Variants in BLOC1S3 observed in about 807,000 individuals in gnomAD.
BLOC1S3 encodes biogenesis of lysosomal organelles complex 1 subunit 3, also known as biogenesis of lysosome-related organelles complex 1 subunit 3.
BLOC1S3 carries 7 observed loss-of-function variants against 9.1 expected under a neutral mutation model. That is an observed-to-expected ratio of 0.77 (90% CI 0.44 to 1.45). BLOC1S3 has a LOEUF of 1.45. Among genes scored for constraint, BLOC1S3 ranks in the 40% most tolerant of loss-of-function variants. The pLI is 0.01. For synonymous variants in BLOC1S3, 145 were observed against 158.4 expected (o/e 0.92, Z 0.64); for missense variants, 307 against 315.2 (o/e 0.97, Z 0.20).
chr19:45,206,461 T>TG (rs1568476457), intron 3 of BLOC1S3, among the ~76,000 whole-genome samples: 6 of 126,062 alleles, frequency 4.8e-5, no homozygotes, highest in Admixed American at 1.6e-4. Context: ...TTTTTTTTTT[T>TG]TTTTTTTTTT....
At chr19:45,204,560 A>C (rs1406781483) in intron 3 of BLOC1S3, among the ~76,000 whole-genome samples, 3 of 152,106 alleles carry the variant, frequency 2.0e-5, no homozygotes, top group Non-Finnish European at 4.4e-5. Context: ...GGCTGGAGTC[A>C]TCCAAAGGCT....
chr19:45,206,546 C>T (rs532634649), intron 3 of BLOC1S3, among the ~76,000 whole-genome samples: 12 of 140,522 alleles, frequency 8.5e-5, no homozygotes, highest in Non-Finnish European at 1.5e-4. Flanking sequence ...GCCTCGAACT[C>T]CTGGACAAAA....
At chr19:45,188,549 A>AATTATTATTATTATTATT (rs61583899) in intron 2 of BLOC1S3, among the ~76,000 whole-genome samples, 4 of 143,318 alleles carry the variant, frequency 2.8e-5, no homozygotes, top group African/African-American at 1.0e-4. Context: ...CATTCTTTCT[A>AATTATTATTATTATTATT]ATTATTATTA....
intron 3 of BLOC1S3, among the ~76,000 whole-genome samples, chr19:45,211,273 G>C (rs367575908): frequency 6.6e-6 from 1 of 152,106 alleles, no homozygotes; most frequent in East Asian, 1.9e-4. Context: ...GAGGCGGGTA[G>C]ATCACTTGAG....
intron 2 of BLOC1S3, among the ~76,000 whole-genome samples, chr19:45,195,109 A>G (rs546785454): frequency 2.6e-5 from 4 of 152,068 alleles, no homozygotes; most frequent in Admixed American, 2.0e-4. Flanking sequence ...GGGTTTCTGC[A>G]TGTTGGTCAG....
At chr19:45,212,760 A>C (rs1245707300) in intron 3 of BLOC1S3, 22 of 261,948 alleles carry the variant, frequency 8.4e-5, no homozygotes, top group East Asian at 7.8e-5. Context: ...GTGCCCAGCT[A>C]ATTTTTTATT....
At chr19:45,204,572 A>C (rs606757) in intron 3 of BLOC1S3, among the ~76,000 whole-genome samples, 34,588 of 151,982 alleles carry the variant, frequency 0.23, 4,579 homozygotes, top group East Asian at 0.36. Context: ...CCAAAGGCTC[A>C]GCTGGGCTGG....
intron 3 of BLOC1S3, among the ~76,000 whole-genome samples, chr19:45,203,342 C>T (rs1358269872): frequency 1.3e-5 from 2 of 152,134 alleles, no homozygotes; most frequent in African/African-American, 2.4e-5. Flanking sequence ...GACGTGCTCT[C>T]GGCTCACTGC....
chr19:45,208,052 G>A (rs1028049292), intron 3 of BLOC1S3, among the ~76,000 whole-genome samples: 3 of 150,630 alleles, frequency 2.0e-5, no homozygotes, highest in South Asian at 2.1e-4. Flanking sequence ...TTGGCTCATC[G>A]CAACCTCTAC....
At chr19:45,215,404 A>C (rs1185680950) in intron 3 of BLOC1S3, among the ~76,000 whole-genome samples, 1 of 152,066 alleles carries the variant, frequency 6.6e-6, no homozygotes, top group Non-Finnish European at 1.5e-5. Flanking sequence ...CCAGGAGGTC[A>C]AGGCTGCAGT....
At chr19:45,194,311 C>T (rs1969631526) in intron 2 of BLOC1S3, among the ~76,000 whole-genome samples, 1 of 151,098 alleles carries the variant, frequency 6.6e-6, no homozygotes, top group Non-Finnish European at 1.5e-5. Flanking sequence ...TGGGGTTTCA[C>T]CATATTGGTC....
downstream of BLOC1S3, among the ~76,000 whole-genome samples, chr19:45,186,201 C>T (rs989002246): frequency 2.0e-5 from 3 of 152,114 alleles, no homozygotes; most frequent in African/African-American, 4.8e-5. Flanking sequence ...TCTGTGTCCC[C>T]AGCACCACTA....
intron 2 of BLOC1S3, among the ~76,000 whole-genome samples, chr19:45,200,155 G>A (rs1254883120): frequency 6.6e-6 from 1 of 150,708 alleles, no homozygotes; most frequent in Admixed American, 6.7e-5. Flanking sequence ...GCATTCTTCA[G>A]TGTGTCAGTT....
At chr19:45,206,220 G>A (rs921862660) in intron 3 of BLOC1S3, among the ~76,000 whole-genome samples, 4 of 151,882 alleles carry the variant, frequency 2.6e-5, no homozygotes, top group Non-Finnish European at 5.9e-5. Flanking sequence ...AGCTGGGCAT[G>A]GTGGCGTATG....
chr19:45,196,427 G>C (rs994032577), intron 2 of BLOC1S3, among the ~76,000 whole-genome samples: 1 of 152,020 alleles, frequency 6.6e-6, no homozygotes, highest in Non-Finnish European at 1.5e-5. Flanking sequence ...TGAGCTAGGA[G>C]GTCTGAGGTC....
chr19:45,193,342 G>C (rs1969621572), intron 2 of BLOC1S3, among the ~76,000 whole-genome samples: 1 of 151,854 alleles, frequency 6.6e-6, no homozygotes, highest in Admixed American at 6.6e-5. Context: ...ATCTTCCCCT[G>C]CCTCCTCATA....
chr19:45,204,728 T>G (rs530915726), intron 3 of BLOC1S3, among the ~76,000 whole-genome samples: 44 of 151,092 alleles, frequency 2.9e-4, no homozygotes, highest in African/African-American at 1.0e-3. Flanking sequence ...TCTCAGGATA[T>G]TCAGAATTTT....
At position 45,195,559 on chromosome 19, in the gene BLOC1S3, T is replaced by TTCCC. The variant is rs762809288; in HGVS notation, n.181-6824_181-6821dup. 5.6e-3 allele frequency among the ~76,000 whole-genome samples: 509 copies of TTCCC among 91,538 alleles called. 4 individuals are homozygous for TTCCC. Among genetic ancestry groups the TTCCC allele is most frequent in the African/African-American group, 0.017 (436 of 26,050 alleles). The allele number at this position is 91,538 out of a possible 152,430, so 60.1% of individuals were successfully genotyped here. On this transcript the variant is annotated intron_variant and non_coding_transcript_variant, in intron 2 of 3. Transcript: ENST00000591569. ...GCCTACTGTTCTCCTCCCTCCCTCCTTCCCTCCCTCCCTCCCTCCCTCCCT... is the reference window on the plus strand; with the variant it reads ...GCCTACTGTTCTCCTCCCTCCCTCCTTCCCTCCCTCCCTCCCTCCCTCCCTCCCT...
At chr19:45,194,285 G>A (rs1425825426) in intron 2 of BLOC1S3, among the ~76,000 whole-genome samples, 1 of 150,500 alleles carries the variant, frequency 6.6e-6, no homozygotes, top group Non-Finnish European at 1.5e-5. Context: ...CCTAATTTTT[G>A]TATTTTTAGT....
Sources: gnomAD v4.1 joint callset for allele counts (sites outside exome capture counted in the v4.1 genomes callset) on GRCh38, gnomAD v4.1.1 for gene constraint, MANE v1.5 for transcripts, NCBI Gene and HGNC (gene_info 2026-07-23, HGNC 2026-07-21) for gene names.